VIT: variants seen among roughly 807,000 people sequenced by gnomAD.
VIT encodes the protein vitrin.
VIT carries 99 observed loss-of-function variants against 78.0 expected under a neutral mutation model. That is an observed-to-expected ratio of 1.27 (90% CI 1.08 to 1.50). The LOEUF is 1.50. Ranked by LOEUF, VIT falls within the 40% of genes most tolerant of loss-of-function variation. VIT has a pLI of 0.00. For synonymous variants in VIT, 374 were observed against 334.3 expected (o/e 1.12, Z -1.29); for missense variants, 1,126 against 875.3 (o/e 1.29, Z -3.61).
chr2:36,805,327 A>C (rs1666632185), intron 13 of VIT, 111 bp from the exon 14 acceptor site: 1 of 1,194,548 alleles, frequency 8.4e-7, no homozygotes, highest in South Asian at 1.9e-5. Context: ...AAAAAAAAAA[A>C]CTAGGGAGGG....
At chr2:36,730,336 T>C (rs1351121858) in intron 3 of VIT, among the ~76,000 whole-genome samples, 1 of 151,902 alleles carries the variant, frequency 6.6e-6, no homozygotes, top group Non-Finnish European at 1.5e-5. Context: ...ATAATAGATG[T>C]TTACTTAAGA....
intron 1 of VIT, among the ~76,000 whole-genome samples, chr2:36,702,765 T>G (rs1285596635): frequency 1.3e-5 from 2 of 152,108 alleles, no homozygotes; most frequent in Admixed American, 6.5e-5. Context: ...TACAGCTGCT[T>G]CTTGTTCCCA....
intron 1 of VIT, among the ~76,000 whole-genome samples, chr2:36,716,035 C>T (rs1172847306): frequency 6.6e-6 from 1 of 152,198 alleles, no homozygotes; most frequent in African/African-American, 2.4e-5. Flanking sequence ...ATGTGGCTTT[C>T]ATCCTAATTA....
At chr2:36,700,893 A>C (rs1306192233) in intron 1 of VIT, among the ~76,000 whole-genome samples, 1 of 152,100 alleles carries the variant, frequency 6.6e-6, no homozygotes, top group Admixed American at 6.5e-5. Flanking sequence ...CAGATGAAAA[A>C]AACGAAGGCA....
At chr2:36,744,633 T>A (rs1425714289) in intron 4 of VIT, among the ~76,000 whole-genome samples, 1 of 152,244 alleles carries the variant, frequency 6.6e-6, no homozygotes, top group Non-Finnish European at 1.5e-5. Flanking sequence ...TTTTGAGAAA[T>A]GTCTGTTTGT....
At chr2:36,722,472 C>G (rs956575027) in intron 2 of VIT, among the ~76,000 whole-genome samples, 3 of 152,206 alleles carry the variant, frequency 2.0e-5, no homozygotes, top group Admixed American at 1.3e-4. Context: ...AATAAGCTGT[C>G]ATGGCTTTGC....
chr2:36,764,683 G>T (rs184072628), intron 6 of VIT, among the ~76,000 whole-genome samples: 1 of 152,252 alleles, frequency 6.6e-6, no homozygotes, highest in East Asian at 1.9e-4. Context: ...ATTCCAACCC[G>T]ATTCCAGGAA....
intron 12 of VIT, among the ~76,000 whole-genome samples, chr2:36,793,773 G>C (rs1184350501): frequency 6.6e-6 from 1 of 152,130 alleles, no homozygotes; most frequent in Non-Finnish European, 1.5e-5. Context: ...TTCTCTACTG[G>C]CACAAAAATC....
intron 4 of VIT, among the ~76,000 whole-genome samples, chr2:36,752,479 A>C (rs750621978): frequency 5.9e-5 from 9 of 152,214 alleles, no homozygotes; most frequent in Non-Finnish European, 1.3e-4. Flanking sequence ...AGCACCATGC[A>C]GGGCACCTGA....
At chr2:36,752,945 A>C (rs1668550302) in intron 4 of VIT, among the ~76,000 whole-genome samples, 1 of 152,248 alleles carries the variant, frequency 6.6e-6, no homozygotes, top group Non-Finnish European at 1.5e-5. Flanking sequence ...TAGCAAAAAC[A>C]TGGAATCAAC....
chr2:36,811,809 A>G (rs1315955904), intron 15 of VIT, among the ~76,000 whole-genome samples: 1 of 151,952 alleles, frequency 6.6e-6, no homozygotes, highest in African/African-American at 2.4e-5. Flanking sequence ...AGTAGCTGGA[A>G]TTACAGGAAC....
chr2:36,808,350 A>T, intron 14 of VIT, 122 bp from the exon 15 acceptor site: 4 of 1,318,280 alleles, frequency 3.0e-6, no homozygotes, highest in Non-Finnish European at 4.1e-6. Context: ...ACACGGTAGG[A>T]GGGCTAGTGC....
chr2:36,761,696 C>T (rs557445086), intron 6 of VIT, among the ~76,000 whole-genome samples: 4 of 151,932 alleles, frequency 2.6e-5, no homozygotes, highest in Non-Finnish European at 4.4e-5. Flanking sequence ...GCCAAGATCA[C>T]GGCACTGCAC....
At chr2:36,798,174 A>C (rs1365700570) in intron 12 of VIT, among the ~76,000 whole-genome samples, 1 of 152,186 alleles carries the variant, frequency 6.6e-6, no homozygotes, top group Non-Finnish European at 1.5e-5. Context: ...CAAGTTTAGC[A>C]ATGGGAATTT....
chr2:36,714,524 A>G (rs973384093), intron 1 of VIT, among the ~76,000 whole-genome samples: 6 of 152,228 alleles, frequency 3.9e-5, no homozygotes, highest in Middle Eastern at 3.4e-3. Context: ...TGGGCCACAC[A>G]ACCATGGCAC....
intron 4 of VIT, among the ~76,000 whole-genome samples, chr2:36,751,051 G>A (rs1558538615): frequency 6.6e-6 from 1 of 152,154 alleles, no homozygotes; most frequent in Non-Finnish European, 1.5e-5. Flanking sequence ...CCCGAGGTCA[G>A]GAGTTCAAGA....
intron 9 of VIT, among the ~76,000 whole-genome samples, chr2:36,778,071 C>G (rs561635657): frequency 2.6e-5 from 4 of 152,104 alleles, no homozygotes; most frequent in African/African-American, 9.7e-5. Flanking sequence ...ATTCATGCAC[C>G]CCCCATTTAA....
At chr2:36,709,149 C>G (rs560621955) in intron 1 of VIT, among the ~76,000 whole-genome samples, 1 of 152,062 alleles carries the variant, frequency 6.6e-6, no homozygotes, top group East Asian at 1.9e-4. Flanking sequence ...AACTCCGTCT[C>G]AAAAATAAAT....
chr2:36,808,717 G>C lies in VIT; in HGVS notation c.1635G>C (p.Thr545=). Residue 545 remains threonine, a synonymous_variant, in exon 15 of 16, where the codon ACG becomes ACC. Coordinates refer to ENST00000379242, the MANE Select transcript of VIT (RefSeq NM_053276.4). The stretch of plus-strand genomic sequence containing the variant: ...CCAAAGAGTTTGAGATTTCCGACAC[G>C]GACACGCGCATCGGGGCCGTGCAGT... The part of the protein sequence containing the change: ...NLTKEFEISD[T]DTRIGAVQYT... The C allele has an allele frequency of 6.2e-7, 1 of 1,614,218 alleles. No individual in the cohort carries two copies. The highest frequency in any genetic ancestry group is 8.5e-7 in the Non-Finnish European group (1 of 1,180,036).
Sources: allele counts gnomAD v4.1 joint callset (sites outside exome capture counted in the v4.1 genomes callset), GRCh38; gene constraint gnomAD v4.1.1; transcripts MANE v1.5; gene names NCBI Gene and HGNC (gene_info 2026-07-23, HGNC 2026-07-21).